The following TAF12 variants were observed in gnomAD, a reference collection of about 807,000 sequenced individuals.
The protein encoded by TAF12 is TATA-box binding protein associated factor 12.
In TAF12, 3 loss-of-function variants were observed where a neutral mutation model predicts 20.8. The observed-to-expected ratio is 0.14, with a 90% CI of 0.07 to 0.37. The LOEUF is 0.37. Among genes scored for constraint, TAF12 ranks in the 10% least tolerant of loss-of-function variants. TAF12 has a pLI of 1.00. For synonymous variants in TAF12, 69 were observed against 70.2 expected, an observed-to-expected ratio of 0.98 and a Z score of 0.09; for missense variants, 131 against 197.9, an observed-to-expected ratio of 0.66 and a Z score of 2.03.
chr1:28,606,903 T>C (rs1267242726), intron 4 of TAF12, among the ~76,000 whole-genome samples: 1 of 152,206 alleles, frequency 6.6e-6, no homozygotes, highest in Non-Finnish European at 1.5e-5. Context: ...GGGCATTCAA[T>C]GACATAAGGC....
Position 28,613,106 on chromosome 1 carries a change from T to C in TAF12, c.361+141A>G, listed in dbSNP as rs540014002. 4 of 592,678 alleles carry C rather than the reference T, an allele frequency of 6.7e-6. No homozygotes were observed. In the South Asian group the frequency reaches 1.2e-4, roughly 18 times the overall value. 36.7% of individuals were successfully genotyped at this position (592,678 alleles called of 1,614,324 possible). A position where few individuals can be genotyped will look rare whatever the true frequency, so the allele number is the denominator to read the frequency against. On this transcript the variant is annotated intron_variant, in intron 4 of 5. Transcript: ENST00000373824. The stretch of plus-strand genomic sequence containing the variant: ...CACAGATGGATTTCTCTTTTCTATT[T>C]GGTGCTGTTATTGAATTAATACATA...
chr1:28,647,684 T>C (rs903197460), upstream of TAF12, among the ~76,000 whole-genome samples: 15 of 152,138 alleles, frequency 9.9e-5, no homozygotes, highest in African/African-American at 3.6e-4. Flanking sequence ...CCATCCTGGC[T>C]AACATGGTGA....
At chr1:28,630,551 CA>C (rs534385563) in intron 1 of TAF12, among the ~76,000 whole-genome samples, 92 of 134,974 alleles carry the variant, frequency 6.8e-4, no homozygotes, top group Admixed American at 9.7e-4. Context: ...GACGCTGTCT[CA>C]AAAAAAAAAA....
chr1:28,626,892 C>T (rs1187450825), intron 1 of TAF12, among the ~76,000 whole-genome samples: 1 of 151,546 alleles, frequency 6.6e-6, no homozygotes, highest in Non-Finnish European at 1.5e-5. Flanking sequence ...GCTTGGGCGA[C>T]AAGGGCGAAA....
At chr1:28,608,388 A>G (rs868235624) in intron 4 of TAF12, among the ~76,000 whole-genome samples, 8 of 151,868 alleles carry the variant, frequency 5.3e-5, no homozygotes, top group Non-Finnish European at 4.4e-5. Flanking sequence ...GAGGTTGCAG[A>G]CAAAGGTTAT....
intron 1 of TAF12, among the ~76,000 whole-genome samples, chr1:28,639,209 G>A (rs993402115): frequency 1.3e-5 from 2 of 151,564 alleles, no homozygotes; most frequent in Non-Finnish European, 2.9e-5. Context: ...CTGAGGTCAG[G>A]AGTTCGAGAC....
rs1044468308 is a variant in TAF12, at chr1:28,614,389, C to A, written c.247-1028G>T. ...GACCAGCCTGACCAACATGGTGAAA[C>A]CCAGTCTCTAAGGGCCAGGCACAGT... On this transcript the variant is annotated intron_variant, in intron 3 of 5. Transcript: ENST00000373824. 3.3e-5 allele frequency among the ~76,000 whole-genome samples: 5 copies of A among 151,728 alleles called. No homozygotes were observed. The South Asian group carries it at 1.0e-3, about 32-fold the overall frequency.
intron 1 of TAF12, among the ~76,000 whole-genome samples, chr1:28,641,698 G>A (rs564462330): frequency 6.6e-6 from 1 of 151,672 alleles, no homozygotes; most frequent in South Asian, 2.1e-4. Context: ...GGAGGTATAG[G>A]TGGGAAGACT....
At chr1:28,628,696 C>T (rs1426892710) in intron 1 of TAF12, among the ~76,000 whole-genome samples, 1 of 151,702 alleles carries the variant, frequency 6.6e-6, no homozygotes, top group Non-Finnish European at 1.5e-5. Context: ...AATGAGGAGG[C>T]TCACGAAATG....
intron 1 of TAF12, among the ~76,000 whole-genome samples, chr1:28,634,154 G>A (rs1431532397): frequency 1.3e-5 from 2 of 150,466 alleles, no homozygotes; most frequent in Non-Finnish European, 3.0e-5. Flanking sequence ...AGTGGCTCAC[G>A]CCTGTAATCT....
intron 1 of TAF12, among the ~76,000 whole-genome samples, chr1:28,626,781 G>C (rs1395498716): frequency 1.3e-5 from 2 of 151,294 alleles, no homozygotes; most frequent in African/African-American, 4.9e-5. Context: ...GGGGTGGCAG[G>C]TGCCTGTAAT....
intron 1 of TAF12, among the ~76,000 whole-genome samples, chr1:28,629,828 C>T (rs986991100): frequency 1.3e-5 from 2 of 152,104 alleles, no homozygotes; most frequent in Non-Finnish European, 2.9e-5. Context: ...TTTTAAAACA[C>T]GGTGTCTTGC....
intron 4 of TAF12, among the ~76,000 whole-genome samples, chr1:28,606,509 C>T (rs758806649): frequency 6.6e-6 from 1 of 152,062 alleles, no homozygotes; most frequent in Non-Finnish European, 1.5e-5. Context: ...CATCCTCCTG[C>T]CTCAGCCTCC....
Position 28,625,669 on chromosome 1 carries a change from G to A in TAF12, c.-84-3504C>T, listed in dbSNP as rs374503540. Among the ~76,000 whole-genome samples, 99 of 151,404 alleles carry A rather than the reference G, an allele frequency of 6.5e-4. 1 individual carries two copies. In the East Asian group the frequency reaches 0.017, roughly 26 times the overall value. ...CCATTCTCCTGTCTCAGCCTCCCAA[G>A]TAGCTGGGACTACAGGCACCCACCA... On this transcript the variant is annotated intron_variant, in intron 1 of 5. Coordinates refer to ENST00000373824, the MANE Select transcript of TAF12 (RefSeq NM_005644.4).
At chr1:28,631,560 T>A (rs2124367062) in intron 1 of TAF12, among the ~76,000 whole-genome samples, 1 of 152,220 alleles carries the variant, frequency 6.6e-6, no homozygotes, top group Middle Eastern at 3.4e-3. Flanking sequence ...CTGGGCATGA[T>A]GGCTCATGCA....
upstream of TAF12, among the ~76,000 whole-genome samples, chr1:28,645,032 G>T (rs1026876142): frequency 2.0e-5 from 3 of 151,462 alleles, no homozygotes; most frequent in Admixed American, 2.0e-4. Context: ...CCAAGTAGAT[G>T]AATTTTCTTT....
intron 1 of TAF12, among the ~76,000 whole-genome samples, chr1:28,635,038 CAG>C (rs1158214312): frequency 2.0e-5 from 3 of 151,028 alleles, no homozygotes; most frequent in African/African-American, 7.3e-5. Flanking sequence ...TCCTGGCTAA[CAG>C]GGTGAAACCT....
intron 1 of TAF12, among the ~76,000 whole-genome samples, chr1:28,638,173 G>GTATTA (rs1667907728): frequency 6.7e-6 from 1 of 150,286 alleles, no homozygotes; most frequent in Non-Finnish European, 1.5e-5. Context: ...GCTAATTTTT[G>GTATTA]TATTTTATTT....
intron 1 of TAF12, among the ~76,000 whole-genome samples, chr1:28,640,055 C>T (rs1457345614): frequency 2.0e-5 from 3 of 152,096 alleles, no homozygotes; most frequent in Admixed American, 6.6e-5. Context: ...GTTGGCCAGG[C>T]GGGTCTCGAA....
Sources: allele counts gnomAD v4.1 joint callset (sites outside exome capture counted in the v4.1 genomes callset), GRCh38; gene constraint gnomAD v4.1.1; transcripts MANE v1.5; gene names NCBI Gene and HGNC (gene_info 2026-07-23, HGNC 2026-07-21).